The following GOLGA3 variants were observed in gnomAD, a reference collection of about 807,000 sequenced individuals.
GOLGA3 encodes the protein golgin A3.
A neutral mutation model predicts 169.4 loss-of-function variants in GOLGA3; 75 were observed. The ratio of observed to expected loss-of-function variants is 0.44; its 90% CI spans 0.37 to 0.54. GOLGA3 has a LOEUF of 0.54. GOLGA3 is among the 20% of genes least tolerant of loss of function. The pLI is 0.00. For synonymous variants in GOLGA3, 824 were observed against 822.4 expected (o/e 1.00, Z -0.03); for missense variants, 1,899 against 1,930.0 (o/e 0.98, Z 0.30).
chr12:132,783,393 G>GACA (rs2045718106), intron 16 of GOLGA3, among the ~76,000 whole-genome samples: 1 of 149,058 alleles, frequency 6.7e-6, no homozygotes, highest in South Asian at 2.1e-4. Flanking sequence ...ACTGAGCCCT[G>GACA]GCTAGGCCAC....
intron 6 of GOLGA3, among the ~76,000 whole-genome samples, chr12:132,805,830 C>T (rs1049606882): frequency 1.1e-4 from 17 of 152,250 alleles, no homozygotes; most frequent in African/African-American, 4.1e-4. Flanking sequence ...TACACGGGTG[C>T]ACATGTATGC....
Position 132,816,829 on chromosome 12 carries a change from C to T in GOLGA3, c.134-17G>A, listed in dbSNP as rs907564669. 2.6e-6 allele frequency: 4 copies of T among 1,567,182 alleles called. No individual in the cohort carries two copies. The highest frequency in any genetic ancestry group is 1.2e-5 in the South Asian group (1 of 85,958). ...CCTCGGCACCTGGAAAGACAGAGCACGCTGGACCACCATGGCTTTAACAAC... is the reference window on the plus strand; with the variant it reads ...CCTCGGCACCTGGAAAGACAGAGCATGCTGGACCACCATGGCTTTAACAAC... On this transcript the variant is annotated splice_polypyrimidine_tract_variant and intron_variant, in intron 2 of 23. Coordinates refer to ENST00000450791, the MANE Select transcript of GOLGA3 (RefSeq NM_001389683.1).
chr12:132,800,348 GC>G (rs1949071030), intron 8 of GOLGA3, among the ~76,000 whole-genome samples: 1 of 152,032 alleles, frequency 6.6e-6, no homozygotes, highest in African/African-American at 2.4e-5. Flanking sequence ...ACAAAAATTA[GC>G]CGGGCATGGT....
chr12:132,821,348 A>G (rs1466219555), intron 2 of GOLGA3, among the ~76,000 whole-genome samples: 1 of 151,818 alleles, frequency 6.6e-6, no homozygotes, highest in Non-Finnish European at 1.5e-5. Flanking sequence ...TGGAGGTTGC[A>G]GTGAAACGAG....
rs760113372 is a variant in GOLGA3 at position 132,789,049 on chromosome 12, T to A, written c.2789A>T (p.Asp930Val). The change falls in exon 13 of 24, where the codon GAC becomes GTC. Residue 930 changes from aspartate (D) to valine (V), a missense_variant. Coordinates refer to ENST00000450791, the MANE Select transcript of GOLGA3 (RefSeq NM_001389683.1). The part of the protein sequence containing the change: ...GHLQSAQKER[D>V]EMETHLQSLQ... ...GACCTGCAAGTGTGTTTCCATCTCGTCTCGCTCCTTCTGCGCCGACTGGAG... is the reference window on the plus strand; with the variant it reads ...GACCTGCAAGTGTGTTTCCATCTCGACTCGCTCCTTCTGCGCCGACTGGAG... 1.3e-6 allele frequency: 2 copies of A among 1,583,324 alleles called. No individual in the cohort carries two copies. The highest frequency in any genetic ancestry group is 3.5e-5 in the Admixed American group (2 of 57,000).
intron 16 of GOLGA3, 105 bp downstream of exon 16, chr12:132,784,059 G>C (rs969763701): frequency 6.4e-6 from 10 of 1,558,482 alleles, no homozygotes; most frequent in Non-Finnish European, 7.8e-6. Context: ...TAGCAACGCT[G>C]GGCACACGGT....
rs1169603251 is a variant in GOLGA3, at chr12:132,777,039, C to T, written c.3774G>A (p.Leu1258=). 6.2e-7 allele frequency: 1 copy of T among 1,611,074 alleles called. No homozygotes were observed. The highest frequency in any genetic ancestry group is 1.3e-5 in the African/African-American group (1 of 74,698). The change falls in exon 20 of 24, where the codon CTG becomes CTA. Residue 1258 remains leucine (L), a synonymous_variant. Transcript: ENST00000450791. This position sits in a 1 kb window ranked among gnomAD's most constrained non-coding sequence, Gnocchi z 4.7. ...SQEIAQFQAE[L]AEARAQLQLL... is the part of the protein sequence containing the mutation. ...GCTGGAGCTGTGCCCGGGCCTCGGCCAGCTCTGCTTGGAACTGTGCTATCT... is the reference window on the plus strand; with the variant it reads ...GCTGGAGCTGTGCCCGGGCCTCGGCTAGCTCTGCTTGGAACTGTGCTATCT...
At chr12:132,797,024 G>A (rs574422332) in intron 9 of GOLGA3, among the ~76,000 whole-genome samples, 6 of 152,312 alleles carry the variant, frequency 3.9e-5, no homozygotes, top group African/African-American at 7.2e-5. Flanking sequence ...TCACAAGAGC[G>A]GTGCTTGGTG....
intron 13 of GOLGA3, among the ~76,000 whole-genome samples, chr12:132,788,281 G>A (rs933432549): frequency 4.6e-5 from 7 of 152,284 alleles, no homozygotes; most frequent in Admixed American, 6.5e-5. Context: ...ACCTTGGCTC[G>A]GTCCTCTCCG....
intron 1 of GOLGA3, among the ~76,000 whole-genome samples, chr12:132,825,421 C>G (rs1330681878): frequency 6.6e-6 from 1 of 152,214 alleles, no homozygotes; most frequent in Non-Finnish European, 1.5e-5. Context: ...CTGCCTCCCA[C>G]CACCTTGAAC....
At chr12:132,821,338 T>C (rs1024827479) in intron 2 of GOLGA3, among the ~76,000 whole-genome samples, 13 of 144,098 alleles carry the variant, frequency 9.0e-5, no homozygotes, top group Admixed American at 5.6e-4. Flanking sequence ...ACCCGGGAAG[T>C]GGAGGTTGCA....
At chr12:132,825,236 C>T (rs1487048260) in intron 1 of GOLGA3, among the ~76,000 whole-genome samples, 1 of 152,122 alleles carries the variant, frequency 6.6e-6, no homozygotes. Context: ...GGTAAAGGAA[C>T]CGACGGTGTG....
At chr12:132,812,415 G>A (rs1044755020) in intron 4 of GOLGA3, among the ~76,000 whole-genome samples, 10 of 152,092 alleles carry the variant, frequency 6.6e-5, no homozygotes, top group Non-Finnish European at 1.3e-4. Context: ...GGGTACAACT[G>A]CCATAGTCAT....
In GOLGA3 at chr12:132,777,403, C is replaced by T. The variant is rs936074911; in HGVS notation, c.3722+263G>A. 2.6e-5 allele frequency among the ~76,000 whole-genome samples: 4 copies of T among 152,232 alleles called. No homozygotes were observed. The highest frequency in any genetic ancestry group is 3.9e-4 in the East Asian group (2 of 5,170). The stretch of plus-strand genomic sequence containing the variant: ...CCACAGAGCCACAGCATCAGCCCCG[C>T]GCCGGGCCGCCCCTTCCCGCCTCTG... On this transcript the variant is annotated intron_variant, in intron 19 of 23. Coordinates refer to ENST00000450791, the MANE Select transcript of GOLGA3 (RefSeq NM_001389683.1). This position sits in a 1 kb window ranked among gnomAD's most constrained non-coding sequence, Gnocchi z 4.7.
intron 7 of GOLGA3, among the ~76,000 whole-genome samples, chr12:132,802,859 C>G (rs1949200229): frequency 6.6e-6 from 1 of 151,980 alleles, no homozygotes; most frequent in Non-Finnish European, 1.5e-5. Flanking sequence ...AGTTCGAGAC[C>G]AGCCTGGCCA....
intron 10 of GOLGA3, 104 bp from the exon 11 acceptor site, chr12:132,796,324 G>A: frequency 7.2e-7 from 1 of 1,383,764 alleles, no homozygotes; most frequent in African/African-American, 1.4e-5. Context: ...CACTATGGAG[G>A]GTCTTTTTTT....
At chr12:132,800,565 G>A (rs546938087) in intron 8 of GOLGA3, among the ~76,000 whole-genome samples, 1 of 152,128 alleles carries the variant, frequency 6.6e-6, no homozygotes, top group African/African-American at 2.4e-5. Flanking sequence ...AGATGTAAAA[G>A]GAACATTTGG....
chr12:132,782,606 G>C (rs2045665723), intron 16 of GOLGA3, 113 bp from the exon 17 acceptor site: 2 of 818,608 alleles, frequency 2.4e-6, no homozygotes, highest in Non-Finnish European at 4.2e-6. Flanking sequence ...GCCAGGCGCA[G>C]AGGCTCACGC....
At chr12:132,821,666 A>G (rs914840924) in intron 2 of GOLGA3, among the ~76,000 whole-genome samples, 14 of 151,778 alleles carry the variant, frequency 9.2e-5, no homozygotes, top group South Asian at 4.2e-4. Flanking sequence ...CATCTTGGCT[A>G]ACACGGTGAA....
Sources: allele counts gnomAD v4.1 joint callset (sites outside exome capture counted in the v4.1 genomes callset), GRCh38; gene constraint gnomAD v4.1.1; non-coding constraint Gnocchi (gnomAD v3.1); transcripts MANE v1.5; gene names NCBI Gene and HGNC (gene_info 2026-07-23, HGNC 2026-07-21).